The following APBA1 variants were observed in gnomAD, a reference collection of about 807,000 sequenced individuals.
APBA1 encodes the protein amyloid-beta A4 precursor protein-binding family A member 1.
In APBA1, 55 loss-of-function variants were observed where a neutral mutation model predicts 86.6. That is an observed-to-expected ratio of 0.64 (90% confidence interval 0.51 to 0.80). The LOEUF (loss-of-function observed/expected upper bound fraction) is 0.80. Ranked by LOEUF, APBA1 falls within the 30% of genes least tolerant of loss-of-function variation. The pLI is 0.00. For missense variants in APBA1, 1,090 were observed against 1,183.0 expected, an observed-to-expected ratio of 0.92 and a Z score of 1.15; for synonymous variants, 511 against 493.9, an observed-to-expected ratio of 1.03 and a Z score of -0.46.
intron 1 of APBA1, among the ~76,000 whole-genome samples, chr9:69,637,566 G>C (rs1202274489): frequency 6.6e-6 from 1 of 152,142 alleles, no homozygotes; most frequent in African/African-American, 2.4e-5. Context: ...CTGCTTTAGG[G>C]ATAAACCATT....
chr9:69,654,285 C>T (rs1823564673), intron 1 of APBA1, among the ~76,000 whole-genome samples: 1 of 151,768 alleles, frequency 6.6e-6, no homozygotes, highest in Non-Finnish European at 1.5e-5. Flanking sequence ...TAAACAAATC[C>T]TTAGCTAGAC....
chr9:69,541,955 C>G (rs938900137), intron 1 of APBA1, among the ~76,000 whole-genome samples: 15 of 152,006 alleles, frequency 9.9e-5, no homozygotes, highest in African/African-American at 3.4e-4. Flanking sequence ...AACACCAATT[C>G]CCTTGGACCA....
In APBA1 at chr9:69,450,056, G is replaced by GTT. The variant is rs58417611; in HGVS notation, c.1969-262_1969-261dup. 1.3e-3 allele frequency among the ~76,000 whole-genome samples: 122 copies of GTT among 94,148 alleles called. 4 individuals carry two copies. The East Asian group carries it at 0.014, about 11-fold the overall frequency. 61.8% of individuals were successfully genotyped at this position (94,148 alleles called of 152,430 possible). On this transcript the variant is annotated intron_variant, in intron 9 of 12. Transcript: ENST00000265381. ...CAGCACACAACCATGAGGACCACCA[G>GTT]TTTTTTTTTTTTTTTTTTTTTTTTT...
At chr9:69,554,780 TA>T (rs1356322695) in intron 1 of APBA1, among the ~76,000 whole-genome samples, 1 of 105,404 alleles carries the variant, frequency 9.5e-6, no homozygotes. Context: ...GAACAGCAGA[TA>T]TTTTTAGGGT....
At chr9:69,583,179 G>T (rs985611629) in intron 1 of APBA1, among the ~76,000 whole-genome samples, 1 of 152,188 alleles carries the variant, frequency 6.6e-6, no homozygotes, top group Non-Finnish European at 1.5e-5. Context: ...TAGGGGGAAG[G>T]TATTAAGTGG....
intron 1 of APBA1, among the ~76,000 whole-genome samples, chr9:69,607,710 G>C (rs1822503485): frequency 6.6e-6 from 1 of 152,286 alleles, no homozygotes; most frequent in Admixed American, 6.5e-5. Flanking sequence ...GCAAAAACCA[G>C]TCCGTTTGGG....
intron 1 of APBA1, among the ~76,000 whole-genome samples, chr9:69,588,339 G>C (rs184853524): frequency 6.6e-6 from 1 of 152,038 alleles, no homozygotes; most frequent in East Asian, 1.9e-4. Flanking sequence ...AACAGACAAT[G>C]GTGCCTTGGA....
chr9:69,575,674 A>AT (rs1486796832), intron 1 of APBA1, among the ~76,000 whole-genome samples: 1 of 152,192 alleles, frequency 6.6e-6, no homozygotes, highest in African/African-American at 2.4e-5. Flanking sequence ...CTGAAACTGG[A>AT]TCCCTTCCTT....
Position 69,448,781 on chromosome 9 carries a change from G to A in APBA1, c.2181+803C>T, listed in dbSNP as rs889938365. ...GCTGTGGAATCTCAGTCTAGCTACA[G>A]TACCGCAGCACTTGGTGCAGAGCTA... On this transcript the variant is annotated intron_variant, in intron 10 of 12. Transcript: ENST00000265381. Among the ~76,000 whole-genome samples, 3 of 152,188 alleles carry A rather than the reference G, an allele frequency of 2.0e-5. No homozygotes were observed. The South Asian group carries it at 6.2e-4, about 32-fold the overall frequency.
At chr9:69,533,786 T>C (rs1369569644) in intron 1 of APBA1, among the ~76,000 whole-genome samples, 1 of 152,222 alleles carries the variant, frequency 6.6e-6, no homozygotes, top group Admixed American at 6.5e-5. Flanking sequence ...GTAACAGAAA[T>C]ATAGAACTGA....
At position 69,516,277 on chromosome 9, in the gene APBA1, C is replaced by G; in HGVS notation, c.934G>C (p.Asp312His). 13 of 1,464,144 alleles carry G rather than the reference C, an allele frequency of 8.9e-6. No individual in the cohort carries two copies. The highest frequency in any genetic ancestry group is 1.2e-5 in the Non-Finnish European group (13 of 1,113,356). The allele number at this position is 1,464,144 out of a possible 1,614,324, so 90.7% of individuals were successfully genotyped here. The change falls in exon 2 of 13, where the codon GAC (aspartate) becomes CAC (histidine). Residue 312 changes from aspartate to histidine, a missense_variant. By Grantham distance (81) the Asp-to-His change is moderately conservative. Transcript: ENST00000265381. The surrounding 1 kb of genome is among the most constrained non-coding windows in gnomAD (Gnocchi z 7.3). Reference sequence around the variant, plus strand: ...GCCGGCGCCTGCAGCCCGGGGCTGTCGGGGCGACCCCCGGCCGGGGTAGGG... The same window carrying G: ...GCCGGCGCCTGCAGCCCGGGGCTGTGGGGGCGACCCCCGGCCGGGGTAGGG... ...RPPTPAGGRP[D>H]SPGLQAPAGQ...
At chr9:69,645,665 C>T (rs1485427966) in intron 1 of APBA1, among the ~76,000 whole-genome samples, 2 of 152,326 alleles carry the variant, frequency 1.3e-5, no homozygotes, top group East Asian at 3.9e-4. Flanking sequence ...GTGCTCTCTT[C>T]AGCAGTGGCA....
At chr9:69,561,908 T>C (rs1012331097) in intron 1 of APBA1, among the ~76,000 whole-genome samples, 8 of 152,166 alleles carry the variant, frequency 5.3e-5, no homozygotes, top group African/African-American at 1.4e-4. Context: ...ATTACAGGCA[T>C]GAGCCACTGC....
chr9:69,584,311 A>G (rs1821976083), intron 1 of APBA1, among the ~76,000 whole-genome samples: 1 of 152,198 alleles, frequency 6.6e-6, no homozygotes, highest in African/African-American at 2.4e-5. Flanking sequence ...GAAAAAGGTT[A>G]ACATTTGTTC....
At chr9:69,581,290 T>G (rs1821908986) in intron 1 of APBA1, among the ~76,000 whole-genome samples, 1 of 152,178 alleles carries the variant, frequency 6.6e-6, no homozygotes, top group Non-Finnish European at 1.5e-5. Context: ...CTGTTGCAAG[T>G]GAAAAGTAAG....
chr9:69,596,793 T>C (rs1822238644), intron 1 of APBA1, among the ~76,000 whole-genome samples: 1 of 152,232 alleles, frequency 6.6e-6, no homozygotes, highest in African/African-American at 2.4e-5. Context: ...CTATCTTCTG[T>C]TGCAGTCTAT....
At chr9:69,606,287 C>G (rs1466313647) in intron 1 of APBA1, among the ~76,000 whole-genome samples, 1 of 152,174 alleles carries the variant, frequency 6.6e-6, no homozygotes, top group East Asian at 1.9e-4. Flanking sequence ...AAGAAGGGAA[C>G]TAGAATATGT....
intron 1 of APBA1, among the ~76,000 whole-genome samples, chr9:69,609,841 C>A (rs1822549098): frequency 6.6e-6 from 1 of 152,116 alleles, no homozygotes; most frequent in South Asian, 2.1e-4. Flanking sequence ...CTCTGTCACC[C>A]AGGCTGGCGT....
At chr9:69,485,634 G>C (rs1484685807) in intron 2 of APBA1, among the ~76,000 whole-genome samples, 1 of 152,062 alleles carries the variant, frequency 6.6e-6, no homozygotes, top group Non-Finnish European at 1.5e-5. Flanking sequence ...AGTTCACAAA[G>C]GTAAGGGCTG....
Sources: gnomAD v4.1 joint callset for allele counts (sites outside exome capture counted in the v4.1 genomes callset) on GRCh38, gnomAD v4.1.1 for gene constraint, Gnocchi (gnomAD v3.1) non-coding constraint, MANE v1.5 for transcripts, NCBI Gene and HGNC (gene_info 2026-07-23, HGNC 2026-07-21) for gene names.